Variants in ANKS1B observed in about 807,000 individuals in gnomAD.
ANKS1B encodes ankyrin repeat and sterile alpha motif domain-containing protein 1B.
In ANKS1B, 36 loss-of-function variants were observed where a neutral mutation model predicts 148.3. That is an observed-to-expected ratio of 0.24 (90% CI 0.19 to 0.32). The LOEUF is 0.32. Among genes scored for constraint, ANKS1B ranks in the 10% least tolerant of loss-of-function variants. ANKS1B has a pLI of 1.00. For synonymous variants in ANKS1B, 542 were observed against 560.8 expected (o/e 0.97, Z 0.47); for missense variants, 1,157 against 1,542.6 (o/e 0.75, Z 4.19).
At chr12:99,167,971 ATT>A (rs2077354079) in intron 14 of ANKS1B, among the ~76,000 whole-genome samples, 1 of 152,242 alleles carries the variant, frequency 6.6e-6, no homozygotes, top group East Asian at 1.9e-4. Flanking sequence ...GTATGATTCC[ATT>A]TATATAAAGT....
At chr12:99,513,360 G>T (rs1467956308) in intron 9 of ANKS1B, among the ~76,000 whole-genome samples, 1 of 151,986 alleles carries the variant, frequency 6.6e-6, no homozygotes, top group Non-Finnish European at 1.5e-5. Context: ...GTATTGTGGT[G>T]GTTGAAACCA....
At chr12:99,625,603 T>C (rs2098104365) in intron 9 of ANKS1B, among the ~76,000 whole-genome samples, 1 of 152,098 alleles carries the variant, frequency 6.6e-6, no homozygotes, top group Non-Finnish European at 1.5e-5. Flanking sequence ...AGAATAGTAG[T>C]TGTCCATGAT....
At chr12:99,161,915 C>T (rs1321349344) in intron 14 of ANKS1B, among the ~76,000 whole-genome samples, 1 of 152,124 alleles carries the variant, frequency 6.6e-6, no homozygotes, top group African/African-American at 2.4e-5. Flanking sequence ...CAAAACTGTG[C>T]AGATGGCCAA....
At chr12:98,825,399 T>C (rs966941758) in intron 19 of ANKS1B, among the ~76,000 whole-genome samples, 15 of 151,968 alleles carry the variant, frequency 9.9e-5, no homozygotes, top group Non-Finnish European at 4.4e-5. Flanking sequence ...TTTCTAATAA[T>C]TTAGAAAAAG....
At chr12:98,797,155 G>T (rs1431395434) in intron 22 of ANKS1B, among the ~76,000 whole-genome samples, 1 of 152,108 alleles carries the variant, frequency 6.6e-6, no homozygotes, top group Non-Finnish European at 1.5e-5. Flanking sequence ...CACAAATTAG[G>T]CCAGATAAAT....
chr12:99,714,859 C>A (rs964003918), intron 8 of ANKS1B, among the ~76,000 whole-genome samples: 2 of 151,980 alleles, frequency 1.3e-5, no homozygotes, highest in Non-Finnish European at 2.9e-5. Context: ...GTGGTTCTAC[C>A]TGTAATCCCA....
At position 99,359,744 on chromosome 12, in the gene ANKS1B, C is replaced by A. The variant is rs374237494; in HGVS notation, c.1756+39887G>T. Among the ~76,000 whole-genome samples the A allele has an allele frequency of 6.9e-4, 105 of 152,162 alleles. 2 individuals carry two copies. The South Asian group carries it at 0.021, about 30-fold the overall frequency. On this transcript the variant is annotated intron_variant, in intron 12 of 26. Transcript: ENST00000683438. ...TAAAGAAAACTAATGCTTCAAGTAT[C>A]GATCAACATTTAACAGTATTTTTAA...
At chr12:98,859,276 A>G (rs2152110802) in intron 17 of ANKS1B, among the ~76,000 whole-genome samples, 1 of 152,352 alleles carries the variant, frequency 6.6e-6, no homozygotes, top group South Asian at 2.1e-4. Flanking sequence ...CCAAGTCTTC[A>G]AAGAGAAATA....
At chr12:99,805,092 TAAAG>T (rs1331687850) in intron 4 of ANKS1B, among the ~76,000 whole-genome samples, 5 of 151,836 alleles carry the variant, frequency 3.3e-5, no homozygotes, top group African/African-American at 1.2e-4. Flanking sequence ...ATGAGCTAAA[TAAAG>T]AGTTATTGTG....
At chr12:99,143,910 T>C (rs1202850450) in intron 15 of ANKS1B, among the ~76,000 whole-genome samples, 1 of 152,086 alleles carries the variant, frequency 6.6e-6, no homozygotes, top group Non-Finnish European at 1.5e-5. Flanking sequence ...GTTGCCCCAG[T>C]ATCTCTTATT....
intron 1 of ANKS1B, among the ~76,000 whole-genome samples, chr12:99,899,131 A>C (rs2093495198): frequency 6.6e-6 from 1 of 152,188 alleles, no homozygotes; most frequent in Non-Finnish European, 1.5e-5. Flanking sequence ...GCCTTGTCTC[A>C]TTTAATCCTT....
In ANKS1B at chr12:98,939,551, G is replaced by A. The variant is rs115329254; in HGVS notation, c.2779-107415C>T. Among the ~76,000 whole-genome samples, 1,117 of 152,280 alleles carry A rather than the reference G, an allele frequency of 7.3e-3. 15 individuals carry two copies. The highest frequency in any genetic ancestry group is 0.026 in the African/African-American group (1,067 of 41,550). ...GAGGCTTCTTTTTTCCTTGAAGTCG[G>A]GCAGGCAGGACCTCTAGTGGCAATG... On this transcript the variant is annotated intron_variant, in intron 17 of 26. Coordinates refer to ENST00000683438, the MANE Select transcript of ANKS1B (RefSeq NM_001352186.2).
At chr12:99,256,496 C>T (rs1337502588) in intron 12 of ANKS1B, among the ~76,000 whole-genome samples, 3 of 152,032 alleles carry the variant, frequency 2.0e-5, no homozygotes, top group African/African-American at 4.8e-5. Flanking sequence ...CAATTCGTTC[C>T]TCAGAATGGC....
At chr12:99,945,485 T>C (rs970465100) in intron 1 of ANKS1B, among the ~76,000 whole-genome samples, 1 of 152,128 alleles carries the variant, frequency 6.6e-6, no homozygotes, top group African/African-American at 2.4e-5. Context: ...TAGTAGATGA[T>C]CCTTGAAAAC....
chr12:99,066,849 T>C (rs906241564), intron 16 of ANKS1B, among the ~76,000 whole-genome samples: 2 of 152,222 alleles, frequency 1.3e-5, no homozygotes, highest in Admixed American at 6.5e-5. Flanking sequence ...AGTTTGGTGG[T>C]TGCAGCTGTG....
At chr12:99,258,053 T>A (rs569313104) in intron 12 of ANKS1B, among the ~76,000 whole-genome samples, 1 of 152,200 alleles carries the variant, frequency 6.6e-6, no homozygotes, top group Admixed American at 6.5e-5. Context: ...CATAATACTT[T>A]GAAGCATAAT....
intron 2 of ANKS1B, among the ~76,000 whole-genome samples, chr12:99,817,959 T>G (rs550501911): frequency 6.6e-6 from 1 of 151,878 alleles, no homozygotes; most frequent in Admixed American, 6.6e-5. Context: ...TGTCAGTTGT[T>G]GAAGCTGGGA....
At chr12:98,794,835 G>T in intron 22 of ANKS1B, 1 of 1,600,198 alleles carries the variant, frequency 6.2e-7, no homozygotes, top group Non-Finnish European at 8.5e-7. Flanking sequence ...AAGAGCTACA[G>T]AAAGTTCAGG....
intron 8 of ANKS1B, among the ~76,000 whole-genome samples, chr12:99,669,148 A>G (rs915440218): frequency 3.3e-5 from 5 of 152,038 alleles, no homozygotes; most frequent in Non-Finnish European, 5.9e-5. Flanking sequence ...CATGTTCATG[A>G]CTTTCATTTT....
Sources: gnomAD v4.1 joint callset for allele counts (sites outside exome capture counted in the v4.1 genomes callset) on GRCh38, gnomAD v4.1.1 for gene constraint, MANE v1.5 for transcripts, NCBI Gene and HGNC (gene_info 2026-07-23, HGNC 2026-07-21) for gene names.